Variants in TRIO observed in about 807,000 individuals in gnomAD.
TRIO encodes the protein trio Rho guanine nucleotide exchange factor.
Under a neutral mutation model 351.9 loss-of-function variants are expected in TRIO, and 58 were observed. That is an observed-to-expected ratio of 0.16 (90% CI 0.13 to 0.21). The LOEUF (loss-of-function observed/expected upper bound fraction) is 0.21, where lower values mean the gene tolerates loss of function less well. TRIO is among the 10% of genes least tolerant of loss of function. The pLI, the probability that TRIO is intolerant of heterozygous loss-of-function variation, is 1.00. For missense variants in TRIO, 3,201 were observed against 4,027.8 expected, an observed-to-expected ratio of 0.79 and a Z score of 5.56; for synonymous variants, 1,758 against 1,595.7, an observed-to-expected ratio of 1.10 and a Z score of -2.42.
Position 14,358,316 on chromosome 5 carries a change from A to G in TRIO, c.2185A>G (p.Lys729Glu). Residue 729 changes from lysine (K) to glutamate (E), a missense_variant, in exon 12 of 57, where the codon AAG becomes GAG. Physicochemically the swap from Lys to Glu is moderately conservative, Grantham distance 56. Transcript: ENST00000344204. The stretch of plus-strand genomic sequence containing the variant: ...CCTGCAGGTGACTGTCAACGTGATC[A>G]AGGAAGGGGAGGACCTCATCCAGCA... ...TTLQVTVNVI[K>E]EGEDLIQQLR... The G allele has an allele frequency of 6.2e-7, 1 of 1,614,118 alleles. No homozygotes were observed. Among genetic ancestry groups the G allele is most frequent in the Non-Finnish European group, 8.5e-7 (1 of 1,180,014 alleles).
intron 11 of TRIO, among the ~76,000 whole-genome samples, chr5:14,340,788 A>G (rs74646252): frequency 0.059 from 8,944 of 152,228 alleles, 310 homozygotes; most frequent in African/African-American, 0.093. Context: ...TGGTTCTTTT[A>G]CCCCAGAGGA....
intron 4 of TRIO, among the ~76,000 whole-genome samples, chr5:14,289,510 CACA>C (rs1180538994): frequency 3.9e-5 from 6 of 151,948 alleles, no homozygotes; most frequent in African/African-American, 1.5e-4. Context: ...TAATCATCGC[CACA>C]CTCCAGTCTG....
chr5:14,174,194 T>C (rs1789272454), intron 1 of TRIO, among the ~76,000 whole-genome samples: 1 of 152,264 alleles, frequency 6.6e-6, no homozygotes, highest in Non-Finnish European at 1.5e-5. Context: ...GTCCCCATGT[T>C]GAGCAGGAGC....
rs113435385 is a variant in TRIO at position 14,207,523 on chromosome 5, TACACACAC to T, written c.158-63275_158-63268del. 1.3e-3 allele frequency among the ~76,000 whole-genome samples: 68 copies of T among 53,190 alleles called. 2 individuals carry two copies. The highest frequency in any genetic ancestry group is 1.9e-3 in the Non-Finnish European group (46 of 24,582). 34.9% of individuals were successfully genotyped at this position (53,190 alleles called of 152,430 possible). A position where few individuals can be genotyped will look rare whatever the true frequency, so the allele number is the denominator to read the frequency against. On this transcript the variant is annotated intron_variant, in intron 1 of 56. Coordinates refer to ENST00000344204, the MANE Select transcript of TRIO (RefSeq NM_007118.4). ...AGGTAGCATAGCAAGACTGTCTCTCTACACACACACACACACACACACACACACACACA... is the reference window on the plus strand; with the variant it reads ...AGGTAGCATAGCAAGACTGTCTCTCTACACACACACACACACACACACACA...
chr5:14,317,702 GTTGAATGGGC>G (rs1385528401), intron 9 of TRIO, among the ~76,000 whole-genome samples: 14 of 152,186 alleles, frequency 9.2e-5, no homozygotes, highest in African/African-American at 3.1e-4. Flanking sequence ...TTCAAAAGAC[GTTGAATGGGC>G]CAGGTGCGGT....
chr5:14,355,624 T>C (rs1743552557), intron 11 of TRIO, among the ~76,000 whole-genome samples: 1 of 152,258 alleles, frequency 6.6e-6, no homozygotes, highest in Non-Finnish European at 1.5e-5. Context: ...ACTTGGAATG[T>C]TTTTCATGGG....
chr5:14,389,182 T>A, intron 24 of TRIO, 107 bp from the exon 25 acceptor site: 2 of 821,268 alleles, frequency 2.4e-6, no homozygotes, highest in Admixed American at 3.5e-5. Context: ...TCCTTAGTTA[T>A]ACTTTCACTT....
intron 33 of TRIO, among the ~76,000 whole-genome samples, chr5:14,413,437 C>T (rs1749364748): frequency 6.6e-6 from 1 of 152,188 alleles, no homozygotes; most frequent in African/African-American, 2.4e-5. Context: ...CACTGTGTGC[C>T]ATCCCTATGA....
At chr5:14,186,635 TGG>T (rs1790128428) in intron 1 of TRIO, among the ~76,000 whole-genome samples, 1 of 152,086 alleles carries the variant, frequency 6.6e-6, no homozygotes, top group African/African-American at 2.4e-5. Context: ...TGGAGTGCAG[TGG>T]TGCAGTCTTG....
chr5:14,259,683 A>G (rs959955839), intron 1 of TRIO, among the ~76,000 whole-genome samples: 1 of 152,230 alleles, frequency 6.6e-6, no homozygotes, highest in Non-Finnish European at 1.5e-5. Context: ...TGAGCAGTCA[A>G]ATCTTTTTAC....
chr5:14,326,358 A>G (rs1740381875), intron 9 of TRIO, among the ~76,000 whole-genome samples: 1 of 150,970 alleles, frequency 6.6e-6, no homozygotes, highest in African/African-American at 2.5e-5. Context: ...AACATTCTGA[A>G]CAGCTTTCTG....
intron 1 of TRIO, among the ~76,000 whole-genome samples, chr5:14,171,783 T>TG (rs1321170387): frequency 1.3e-5 from 2 of 151,744 alleles, no homozygotes; most frequent in East Asian, 3.9e-4. Context: ...AGGAGCGGGG[T>TG]GGGGGGATGG....
At chr5:14,251,093 A>G (rs1794715610) in intron 1 of TRIO, among the ~76,000 whole-genome samples, 1 of 152,108 alleles carries the variant, frequency 6.6e-6, no homozygotes, top group Admixed American at 6.5e-5. Flanking sequence ...TCAGCCACTG[A>G]GGCTTGATGA....
intron 8 of TRIO, among the ~76,000 whole-genome samples, chr5:14,310,654 A>G (rs1738835394): frequency 1.3e-5 from 2 of 152,168 alleles, no homozygotes; most frequent in African/African-American, 2.4e-5. Context: ...CCTCTCCGTG[A>G]TGTGTGTGGA....
chr5:14,460,891 G>C (rs929830552), intron 34 of TRIO, 128 bp from the exon 35 acceptor site: 1 of 1,133,334 alleles, frequency 8.8e-7, no homozygotes, highest in African/African-American at 1.6e-5. Context: ...CTCACACCCC[G>C]TAGGCAAAGC....
At chr5:14,475,738 A>T (rs1318566669) in intron 40 of TRIO, among the ~76,000 whole-genome samples, 1 of 152,216 alleles carries the variant, frequency 6.6e-6, no homozygotes, top group Admixed American at 6.5e-5. Context: ...CCTACTTCCA[A>T]GGCTAGTTTT....
chr5:14,296,974 A>T, intron 6 of TRIO, 98 bp from the exon 7 acceptor site: 1 of 985,994 alleles, frequency 1.0e-6, no homozygotes. Flanking sequence ...GATCACTGTT[A>T]GAAGCCTGTG....
At chr5:14,491,652 ATC>A (rs1444812764) in intron 48 of TRIO, among the ~76,000 whole-genome samples, 1 of 152,024 alleles carries the variant, frequency 6.6e-6, no homozygotes, top group Non-Finnish European at 1.5e-5. Flanking sequence ...GCCTTAAGAA[ATC>A]TCTGTCTTGC....
chr5:14,146,882 T>A (rs893362187), intron 1 of TRIO, among the ~76,000 whole-genome samples: 1 of 152,238 alleles, frequency 6.6e-6, no homozygotes, highest in Non-Finnish European at 1.5e-5. Flanking sequence ...AGGTCTCATT[T>A]CCTTTGCTGT....
Sources: gnomAD v4.1 joint callset for allele counts (sites outside exome capture counted in the v4.1 genomes callset) on GRCh38, gnomAD v4.1.1 for gene constraint, MANE v1.5 for transcripts, NCBI Gene and HGNC (gene_info 2026-07-23, HGNC 2026-07-21) for gene names.